The following SGMS1 variants were observed in gnomAD, a reference collection of about 807,000 sequenced individuals.
SGMS1 encodes sphingomyelin synthase 1, also known as phosphatidylcholine:ceramide cholinephosphotransferase 1.
In SGMS1, 13 loss-of-function variants were observed where a neutral mutation model predicts 46.2. That is an observed-to-expected ratio of 0.28 (90% CI 0.18 to 0.45). The LOEUF is 0.45. SGMS1 is among the 20% of genes least tolerant of loss of function. The probability of loss-of-function intolerance (pLI) is 1.00; values close to 1 mark genes in which losing one functional copy is unlikely to be tolerated. For synonymous variants in SGMS1, 203 were observed against 187.8 expected, an observed-to-expected ratio of 1.08 and a Z score of -0.66; for missense variants, 324 against 519.9, an observed-to-expected ratio of 0.62 and a Z score of 3.66.
At chr10:50,355,764 C>T (rs1346197434) in intron 6 of SGMS1, among the ~76,000 whole-genome samples, 8 of 151,996 alleles carry the variant, frequency 5.3e-5, no homozygotes, top group South Asian at 2.1e-4. Context: ...CCCCTCTGCC[C>T]GGCTGCCCAG....
chr10:50,543,500 C>T (rs116713536), intron 2 of SGMS1, among the ~76,000 whole-genome samples: 1,660 of 152,328 alleles, frequency 0.011, 36 homozygotes, highest in African/African-American at 0.038. Context: ...AAAAATCATA[C>T]TGATTGTCAG....
chr10:50,383,413 A>G (rs1205285142), intron 6 of SGMS1, among the ~76,000 whole-genome samples: 1 of 152,182 alleles, frequency 6.6e-6, no homozygotes, highest in African/African-American at 2.4e-5. Flanking sequence ...AACAATCTAC[A>G]TATCTTTTCA....
chr10:50,588,721 ATTTTTTTTT>A (rs71029314), intron 2 of SGMS1, among the ~76,000 whole-genome samples: 13 of 92,220 alleles, frequency 1.4e-4, no homozygotes, highest in East Asian at 3.6e-4. Context: ...GACTGATCTA[ATTTTTTTTT>A]TTTTTTTTTT....
intron 3 of SGMS1, among the ~76,000 whole-genome samples, chr10:50,475,867 C>T (rs1837421168): frequency 6.6e-6 from 1 of 151,984 alleles, no homozygotes; most frequent in African/African-American, 2.4e-5. Flanking sequence ...GCCTGTACAG[C>T]CTGCATAACT....
intron 8 of SGMS1, among the ~76,000 whole-genome samples, chr10:50,321,152 C>A (rs1444317772): frequency 1.3e-5 from 2 of 151,968 alleles, no homozygotes; most frequent in Admixed American, 6.5e-5. Context: ...AGTAAGAAAG[C>A]CTTTAGAAAG....
At chr10:50,369,449 G>A (rs1416624629) in intron 6 of SGMS1, among the ~76,000 whole-genome samples, 1 of 152,132 alleles carries the variant, frequency 6.6e-6, no homozygotes, top group African/African-American at 2.4e-5. Context: ...AGTGAGCCAT[G>A]TTTGTGCCAC....
chr10:50,404,791 T>C (rs1432852024), intron 6 of SGMS1, among the ~76,000 whole-genome samples: 1 of 150,858 alleles, frequency 6.6e-6, no homozygotes, highest in Non-Finnish European at 1.5e-5. Flanking sequence ...CTAAACACAA[T>C]CCCCCCAATG....
At chr10:50,529,043 C>G (rs879762577) in intron 2 of SGMS1, among the ~76,000 whole-genome samples, 4 of 152,150 alleles carry the variant, frequency 2.6e-5, no homozygotes, top group Non-Finnish European at 5.9e-5. Flanking sequence ...GTTCCTACAG[C>G]TGGAACATGG....
chr10:50,527,742 C>G (rs1260789423), intron 2 of SGMS1, among the ~76,000 whole-genome samples: 2 of 152,174 alleles, frequency 1.3e-5, no homozygotes, highest in Non-Finnish European at 2.9e-5. Flanking sequence ...TCCGTAGCAA[C>G]CCAGACTGAA....
At chr10:50,316,635 A>C (rs1055365453) in intron 8 of SGMS1, among the ~76,000 whole-genome samples, 1 of 152,180 alleles carries the variant, frequency 6.6e-6, no homozygotes, top group Non-Finnish European at 1.5e-5. Context: ...TATTAAGGTA[A>C]ATTATTTTGT....
chr10:50,576,662 T>C (rs1320256505), intron 2 of SGMS1, among the ~76,000 whole-genome samples: 1 of 152,244 alleles, frequency 6.6e-6, no homozygotes, highest in Non-Finnish European at 1.5e-5. Context: ...AGCTGTTGTC[T>C]GTCTCATAAT....
At chr10:50,587,478 C>G (rs1838495147) in intron 2 of SGMS1, among the ~76,000 whole-genome samples, 1 of 152,066 alleles carries the variant, frequency 6.6e-6, no homozygotes, top group African/African-American at 2.4e-5. Context: ...ACTAAAAATA[C>G]AAAAATTAGC....
rs79041590 is a variant in SGMS1 at position 50,362,839 on chromosome 10, G to A, written c.-231-18494C>T. 2.6e-5 allele frequency among the ~76,000 whole-genome samples: 4 copies of A among 152,234 alleles called. No individual in the cohort carries two copies. The East Asian group carries it at 5.8e-4, about 22-fold the overall frequency. On this transcript the variant is annotated intron_variant, in intron 6 of 10. Coordinates refer to ENST00000361781, the MANE Select transcript of SGMS1 (RefSeq NM_147156.4). ...AGATAGATGTGTTTAAAGAAGGTAC[G>A]GAGAAACCCTAGGTTCTCTCCTCTG...
intron 6 of SGMS1, among the ~76,000 whole-genome samples, chr10:50,381,913 G>A (rs1011292726): frequency 5.3e-5 from 8 of 152,176 alleles, no homozygotes; most frequent in Non-Finnish European, 2.9e-5. Flanking sequence ...CTGGCTAAAC[G>A]TCAGTATCTT....
At chr10:50,542,676 TATAG>T (rs1417865927) in intron 2 of SGMS1, among the ~76,000 whole-genome samples, 2 of 148,708 alleles carry the variant, frequency 1.3e-5, no homozygotes, top group Non-Finnish European at 3.0e-5. Context: ...GAAATGCACT[TATAG>T]AGAGAGGGGA....
intron 6 of SGMS1, among the ~76,000 whole-genome samples, chr10:50,355,923 G>A (rs561797293): frequency 1.0e-3 from 153 of 152,038 alleles, no homozygotes; most frequent in African/African-American, 3.2e-3. Context: ...TTGCCCCGCC[G>A]CCACCCTGTC....
chr10:50,382,924 G>A (rs1176469447), intron 6 of SGMS1, among the ~76,000 whole-genome samples: 8 of 152,136 alleles, frequency 5.3e-5, no homozygotes, highest in African/African-American at 1.9e-4. Flanking sequence ...GCATTTTCAT[G>A]AAATGCCTCA....
chr10:50,555,117 G>A (rs1258678597), intron 2 of SGMS1, among the ~76,000 whole-genome samples: 2 of 152,184 alleles, frequency 1.3e-5, no homozygotes, highest in African/African-American at 2.4e-5. Context: ...AAAGGAGCCT[G>A]AGCCTCAGCA....
At chr10:50,431,511 A>G (rs1849403851) in intron 6 of SGMS1, among the ~76,000 whole-genome samples, 1 of 152,188 alleles carries the variant, frequency 6.6e-6, no homozygotes, top group Non-Finnish European at 1.5e-5. Context: ...TTCCTTCTAA[A>G]GGGCAAGTTA....
Sources: gnomAD v4.1 joint callset for allele counts (sites outside exome capture counted in the v4.1 genomes callset) on GRCh38, gnomAD v4.1.1 for gene constraint, MANE v1.5 for transcripts, NCBI Gene and HGNC (gene_info 2026-07-23, HGNC 2026-07-21) for gene names.